PITPNM2: variants seen among roughly 807,000 people sequenced by gnomAD.
The protein encoded by PITPNM2 is membrane-associated phosphatidylinositol transfer protein 2.
In PITPNM2, 35 loss-of-function variants were observed where a neutral mutation model predicts 132.2. The ratio of observed to expected loss-of-function variants is 0.26; its 90% CI spans 0.20 to 0.35. The LOEUF is 0.35. Ranked by LOEUF, PITPNM2 falls within the 10% of genes least tolerant of loss-of-function variation. The pLI, the probability that PITPNM2 is intolerant of heterozygous loss-of-function variation, is 1.00. For missense variants in PITPNM2, 1,332 were observed against 1,912.0 expected (o/e 0.70, Z 5.66); for synonymous variants, 738 against 799.2 (o/e 0.92, Z 1.29).
rs2041121219 is a variant in PITPNM2, at chr12:123,058,547, T to A, written c.-95-23862A>T. On this transcript the variant is annotated intron_variant, in intron 2 of 25. Coordinates refer to ENST00000320201, the MANE Select transcript of PITPNM2 (RefSeq NM_020845.3). This position sits in a 1 kb window ranked among gnomAD's most constrained non-coding sequence, Gnocchi z 4.0. ...ACCCACAGCCTCTCCAGGGCCTCTC[T>A]CACTCCACCATTCACCTGCTGTTCC... Among the ~76,000 whole-genome samples, 1 of 152,180 alleles carries A rather than the reference T, an allele frequency of 6.6e-6. No homozygotes were observed. The highest frequency in any genetic ancestry group is 1.5e-5 in the Non-Finnish European group (1 of 68,030).
chr12:123,031,460 G>C lies in PITPNM2; in HGVS notation c.78+3053C>G, dbSNP rs762008655. Among the ~76,000 whole-genome samples, 9 of 152,216 alleles carry C rather than the reference G, an allele frequency of 5.9e-5. No homozygotes were observed. The highest frequency in any genetic ancestry group is 4.4e-5 in the Non-Finnish European group (3 of 68,034). ...AAGTGCATGGGAAACTTCCCAGTCAGTAGCTCTAGCAGGAACCTATGGCTT... is the reference window on the plus strand; with the variant it reads ...AAGTGCATGGGAAACTTCCCAGTCACTAGCTCTAGCAGGAACCTATGGCTT... On this transcript the variant is annotated intron_variant, in intron 3 of 25. Coordinates refer to ENST00000320201, the MANE Select transcript of PITPNM2 (RefSeq NM_020845.3). This position sits in a 1 kb window ranked among gnomAD's most constrained non-coding sequence, Gnocchi z 4.5.
At chr12:123,002,707 T>C (rs1027014524) in intron 8 of PITPNM2, among the ~76,000 whole-genome samples, 3 of 152,234 alleles carry the variant, frequency 2.0e-5, no homozygotes, top group Admixed American at 2.0e-4. Flanking sequence ...CAGTTCCTGT[T>C]TTGTCAAATT....
intron 23 of PITPNM2, 53 bp downstream of exon 23, chr12:122,987,228 C>T: frequency 6.3e-7 from 1 of 1,599,432 alleles, no homozygotes; most frequent in Non-Finnish European, 8.5e-7. Flanking sequence ...GGTGGGAGCC[C>T]CTGAGCCCAC....
intron 4 of PITPNM2, among the ~76,000 whole-genome samples, chr12:123,013,347 A>C (rs1362658359): frequency 6.6e-6 from 1 of 152,224 alleles, no homozygotes; most frequent in East Asian, 1.9e-4. Context: ...GCACAGAGTG[A>C]AGAACCCTCT....
chr12:122,990,810 G>A, intron 16 of PITPNM2, 101 bp from the exon 17 acceptor site: 1 of 1,311,554 alleles, frequency 7.6e-7, no homozygotes, highest in Non-Finnish European at 1.0e-6. Flanking sequence ...CACCTAGACT[G>A]GAGGCTGGGC....
At chr12:123,069,089 C>CA (rs1186731747) in intron 2 of PITPNM2, among the ~76,000 whole-genome samples, 5 of 151,760 alleles carry the variant, frequency 3.3e-5, no homozygotes, top group East Asian at 1.9e-4. Context: ...CCCATCTATA[C>CA]AAAAAAATTA....
intron 3 of PITPNM2, among the ~76,000 whole-genome samples, chr12:123,017,555 C>T (rs570237784): frequency 6.6e-6 from 1 of 152,280 alleles, no homozygotes; most frequent in South Asian, 2.1e-4. Context: ...CACAGAAAAA[C>T]CTGTACACCA....
chr12:123,044,900 C>T (rs2040604083), intron 2 of PITPNM2, among the ~76,000 whole-genome samples: 1 of 152,190 alleles, frequency 6.6e-6, no homozygotes, highest in African/African-American at 2.4e-5. Context: ...GATCTTCCTG[C>T]CTCAGCCTCC....
At chr12:123,040,720 CT>C (rs773805105) in intron 2 of PITPNM2, among the ~76,000 whole-genome samples, 3 of 151,402 alleles carry the variant, frequency 2.0e-5, no homozygotes, top group Non-Finnish European at 2.9e-5. Flanking sequence ...GAACACGATA[CT>C]TTTTTAAAAA....
intron 1 of PITPNM2, among the ~76,000 whole-genome samples, chr12:123,145,777 C>T (rs2043602912): frequency 6.6e-6 from 1 of 152,144 alleles, no homozygotes; most frequent in African/African-American, 2.4e-5. Context: ...CTGGGAGTTC[C>T]AGACCAGTCT....
intron 1 of PITPNM2, among the ~76,000 whole-genome samples, chr12:123,136,974 C>A (rs550238995): frequency 6.6e-6 from 1 of 152,330 alleles, no homozygotes; most frequent in Admixed American, 6.5e-5. Context: ...CACCACAGCA[C>A]ACAAAATTGA....
In PITPNM2 at chr12:122,986,511, G is replaced by A. The variant is rs745486155; in HGVS notation, c.3651C>T (p.Tyr1217=). Residue 1217 remains tyrosine, a synonymous_variant, in exon 25 of 26, where the codon TAC becomes TAT. Transcript: ENST00000320201. ...GCATGGGGGACAGGCTAATGGCGCT[G>A]TACACCGCCACGTCCTTGGTGGAGC... ...AYGSTKDVAV[Y]SAISLSPMQI... 3 of 1,595,410 alleles carry A rather than the reference G, an allele frequency of 1.9e-6. No individual in the cohort carries two copies. Among genetic ancestry groups the A allele is most frequent in the Non-Finnish European group, 8.5e-7 (1 of 1,170,758 alleles).
At chr12:123,138,341 G>A (rs551902929) in intron 1 of PITPNM2, among the ~76,000 whole-genome samples, 163 of 152,072 alleles carry the variant, frequency 1.1e-3, no homozygotes, top group Admixed American at 2.8e-3. Context: ...CCAGCTACTC[G>A]GGAGGCTGAG....
chr12:123,023,151 C>T lies in PITPNM2; in HGVS notation c.79-9109G>A, dbSNP rs1414664666. On this transcript the variant is annotated intron_variant, in intron 3 of 25. Transcript: ENST00000320201. The surrounding 1 kb of genome is among the most constrained non-coding windows in gnomAD (Gnocchi z 4.8). Reference sequence around the variant, plus strand: ...GAGGGAGGGGACAGCTAGGAGTGGCCCTTGCTGCCAAAGAGCCTGACCCCA... The same window carrying T: ...GAGGGAGGGGACAGCTAGGAGTGGCTCTTGCTGCCAAAGAGCCTGACCCCA... Among the ~76,000 whole-genome samples, 1 of 152,226 alleles carries T rather than the reference C, an allele frequency of 6.6e-6. No homozygotes were observed. The highest frequency in any genetic ancestry group is 2.4e-5 in the African/African-American group (1 of 41,452).
intron 1 of PITPNM2, among the ~76,000 whole-genome samples, chr12:123,134,724 C>T (rs184025802): frequency 5.3e-4 from 80 of 152,184 alleles, no homozygotes; most frequent in African/African-American, 1.8e-3. Flanking sequence ...TATTTAACTC[C>T]AAAATAGGCC....
Position 123,000,564 on chromosome 12 carries a change from C to A in PITPNM2, c.1224+214G>T. On this transcript the variant is annotated intron_variant, in intron 10 of 25. Transcript: ENST00000320201. The surrounding 1 kb of genome is among the most constrained non-coding windows in gnomAD (Gnocchi z 5.4). ...CAGGGGTTGTCTGTAGTCCCTGGTT[C>A]TCGGGGACCTCAGAGACAGAGGGCG... The A allele has an allele frequency of 1.5e-6, 1 of 673,046 alleles. No individual in the cohort carries two copies. Among genetic ancestry groups the A allele is most frequent in the South Asian group, 1.6e-5 (1 of 62,652 alleles). The allele number at this position is 673,046 out of a possible 1,614,324, so 41.7% of individuals were successfully genotyped here.
At position 122,996,441 on chromosome 12, in the gene PITPNM2, G is replaced by C; in HGVS notation, c.1782+17C>G. ...GGCTTCAGGCCTTGGGGACTGTCTG[G>C]GCCCCCACTTGGGTACCTGCATGCT... On this transcript the variant is annotated intron_variant, in intron 13 of 25. Transcript: ENST00000320201. 6.2e-7 allele frequency: 1 copy of C among 1,612,622 alleles called. No individual in the cohort carries two copies.
chr12:123,030,235 G>A (rs1336976198), intron 3 of PITPNM2, among the ~76,000 whole-genome samples: 2 of 152,186 alleles, frequency 1.3e-5, no homozygotes, highest in African/African-American at 4.8e-5. Flanking sequence ...AGTAAGTGCT[G>A]GTGAGGATGT....
chr12:123,079,506 C>G (rs2041894111), intron 2 of PITPNM2, among the ~76,000 whole-genome samples: 1 of 151,726 alleles, frequency 6.6e-6, no homozygotes, highest in African/African-American at 2.4e-5. Flanking sequence ...ACCACCACAC[C>G]CAGCTAATTT....
Sources: allele counts gnomAD v4.1 joint callset (sites outside exome capture counted in the v4.1 genomes callset), GRCh38; gene constraint gnomAD v4.1.1; non-coding constraint Gnocchi (gnomAD v3.1); transcripts MANE v1.5; gene names NCBI Gene and HGNC (gene_info 2026-07-23, HGNC 2026-07-21).